The following LYRM4 variants were observed in gnomAD, a reference collection of about 807,000 sequenced individuals.
The protein encoded by LYRM4 is LYR motif containing 4.
LYRM4 carries 9 observed loss-of-function variants against 11.7 expected under a neutral mutation model. That is an observed-to-expected ratio of 0.77 (90% CI 0.46 to 1.34). The LOEUF (loss-of-function observed/expected upper bound fraction) is 1.34, where lower values mean the gene tolerates loss of function less well. Among genes scored for constraint, LYRM4 ranks in the 40% most tolerant of loss-of-function variants. LYRM4 has a pLI of 0.00. For missense variants in LYRM4, 133 were observed against 112.5 expected (o/e 1.18, Z -0.82); for synonymous variants, 42 against 40.4 (o/e 1.04, Z -0.15).
the LYRM4 span, chr6:5,085,475 C>G: frequency 1.3e-6 from 2 of 1,526,850 alleles, no homozygotes. Flanking sequence ...AGTCCAGGGG[C>G]GAACGGCGTC....
At chr6:5,162,085 G>C (rs1034135313) in intron 2 of LYRM4, among the ~76,000 whole-genome samples, 58 of 152,100 alleles carry the variant, frequency 3.8e-4, no homozygotes, top group Admixed American at 3.3e-3. Flanking sequence ...AGCCTAACAG[G>C]GTTGCTCAGG....
chr6:5,118,972 A>C (rs1292193523), intron 2 of LYRM4, among the ~76,000 whole-genome samples: 1 of 152,220 alleles, frequency 6.6e-6, no homozygotes, highest in Non-Finnish European at 1.5e-5. Flanking sequence ...GGAGTGCCTG[A>C]AGGGATCATC....
intron 1 of LYRM4, among the ~76,000 whole-genome samples, chr6:5,234,814 T>C (rs1763445014): frequency 6.6e-6 from 1 of 152,162 alleles, no homozygotes; most frequent in African/African-American, 2.4e-5. Context: ...GTAACATTAC[T>C]AGATTGAGGA....
chr6:5,226,685 C>T (rs149898039), intron 1 of LYRM4, among the ~76,000 whole-genome samples: 3 of 152,152 alleles, frequency 2.0e-5, no homozygotes, highest in African/African-American at 4.8e-5. Context: ...CCCATTGTTA[C>T]GTTTTTAAAA....
chr6:5,055,565 A>C, the LYRM4 span, among the ~76,000 whole-genome samples: 1 of 152,108 alleles, frequency 6.6e-6, no homozygotes, highest in Non-Finnish European at 1.5e-5. The surrounding 1 kb of genome is among the most constrained non-coding windows in gnomAD (Gnocchi z 4.5). Flanking sequence ...AATGCTACCT[A>C]ATATCTGTCC....
chr6:5,085,743 C>T, the LYRM4 span: 8 of 1,540,488 alleles, frequency 5.2e-6, no homozygotes, highest in African/African-American at 2.8e-5. Context: ...GCTCCTTTTC[C>T]TTGCCCGCCG....
chr6:5,213,507 T>A (rs910496540), intron 2 of LYRM4, among the ~76,000 whole-genome samples: 10 of 152,158 alleles, frequency 6.6e-5, no homozygotes, highest in African/African-American at 2.4e-4. Flanking sequence ...TCCTCACTGG[T>A]GGAACCGTGA....
At chr6:5,185,542 C>A (rs1335215075) in intron 2 of LYRM4, among the ~76,000 whole-genome samples, 2 of 152,120 alleles carry the variant, frequency 1.3e-5, no homozygotes, top group Non-Finnish European at 2.9e-5. Context: ...ACACCTGACA[C>A]CAAGTGGGCA....
At chr6:5,057,598 C>T in the LYRM4 span, among the ~76,000 whole-genome samples, 1 of 151,884 alleles carries the variant, frequency 6.6e-6, no homozygotes, top group African/African-American at 2.4e-5. Flanking sequence ...GCCTGTAATC[C>T]CAGCTACTCG....
chr6:5,113,811 C>T (rs1188536792), intron 2 of LYRM4, among the ~76,000 whole-genome samples: 1 of 151,892 alleles, frequency 6.6e-6, no homozygotes, highest in Non-Finnish European at 1.5e-5. Context: ...AAGTGATCCT[C>T]CTGCCTCAGC....
chr6:5,259,343 A>G lies in LYRM4; in HGVS notation c.86+1305T>C, dbSNP rs186550368. The stretch of plus-strand genomic sequence containing the variant: ...CTAGGTGTTTGGTTAATTCTTGCTA[A>G]AATTCCACCAGTATGCTTATTATTA... On this transcript the variant is annotated intron_variant, in intron 1 of 2. Transcript: ENST00000330636. Among the ~76,000 whole-genome samples the G allele has an allele frequency of 2.1e-5, 3 of 142,680 alleles. No individual in the cohort carries two copies. In the East Asian group the frequency reaches 6.0e-4, roughly 29 times the overall value. The allele number at this position is 142,680 out of a possible 152,430, so 93.6% of individuals were successfully genotyped here. A position where few individuals can be genotyped will look rare whatever the true frequency, so the allele number is the denominator to read the frequency against.
At chr6:5,163,878 A>T (rs1758914570) in intron 2 of LYRM4, among the ~76,000 whole-genome samples, 1 of 152,150 alleles carries the variant, frequency 6.6e-6, no homozygotes, top group Non-Finnish European at 1.5e-5. Flanking sequence ...AAGTGCCGGG[A>T]TTACAGCATG....
chr6:5,052,802 T>C, the LYRM4 span, among the ~76,000 whole-genome samples: 125 of 152,370 alleles, frequency 8.2e-4, no homozygotes, highest in African/African-American at 2.9e-3. Flanking sequence ...CAGCTTATGC[T>C]GTCTAAGGAG....
the LYRM4 span, chr6:5,034,042 C>A: frequency 3.9e-5 from 6 of 152,298 alleles, no homozygotes; most frequent in Non-Finnish European, 7.3e-5. Flanking sequence ...CATTTTTGTA[C>A]TTTTGTTGGT....
chr6:5,162,967 C>A (rs561776388), intron 2 of LYRM4, among the ~76,000 whole-genome samples: 3 of 152,118 alleles, frequency 2.0e-5, no homozygotes, highest in Admixed American at 2.0e-4. Context: ...TTAAAAAAAT[C>A]GATTTGTAGG....
intron 2 of LYRM4, chr6:5,136,279 C>T: frequency 1.0e-6 from 1 of 983,968 alleles, no homozygotes; most frequent in Non-Finnish European, 1.2e-6. Flanking sequence ...ATCATTTGGT[C>T]ATTCTATTCA....
chr6:5,086,098 GGGCCGAGCGCCGC>G, the LYRM4 span: 1 of 1,467,898 alleles, frequency 6.8e-7, no homozygotes, highest in South Asian at 1.3e-5. Flanking sequence ...CCAGCTCCCG[GGGCCGAGCGCCGC>G]GGCCGAGCGT....
At chr6:5,058,476 TG>T in the LYRM4 span, among the ~76,000 whole-genome samples, 1 of 152,182 alleles carries the variant, frequency 6.6e-6, no homozygotes, top group African/African-American at 2.4e-5. Context: ...AGAGTTGACC[TG>T]GGGGAGCTTC....
At chr6:5,238,171 G>A (rs2127752388) in intron 1 of LYRM4, among the ~76,000 whole-genome samples, 1 of 152,066 alleles carries the variant, frequency 6.6e-6, no homozygotes, top group East Asian at 1.9e-4. Context: ...TCTGATCTGT[G>A]GTTAAAAATA....
Sources: allele counts gnomAD v4.1 joint callset (sites outside exome capture counted in the v4.1 genomes callset), GRCh38; gene constraint gnomAD v4.1.1; non-coding constraint Gnocchi (gnomAD v3.1); transcripts MANE v1.5; gene names NCBI Gene and HGNC (gene_info 2026-07-23, HGNC 2026-07-21).